The following PIK3CB variants were observed in gnomAD, a reference collection of about 807,000 sequenced individuals.
PIK3CB encodes the protein phosphatidylinositol 4,5-bisphosphate 3-kinase catalytic subunit beta isoform.
In PIK3CB, 39 loss-of-function variants were observed where a neutral mutation model predicts 136.8. That is an observed-to-expected ratio of 0.29 (90% CI 0.22 to 0.37). The LOEUF (loss-of-function observed/expected upper bound fraction) is 0.37. PIK3CB is among the 10% of genes least tolerant of loss of function. The pLI, the probability that PIK3CB is intolerant of heterozygous loss-of-function variation, is 1.00. For missense variants in PIK3CB, 868 were observed against 1,275.4 expected (o/e 0.68, Z 4.87); for synonymous variants, 428 against 436.6 (o/e 0.98, Z 0.25).
At chr3:138,830,138 G>T (rs569962411) in intron 1 of PIK3CB, among the ~76,000 whole-genome samples, 2 of 152,156 alleles carry the variant, frequency 1.3e-5, no homozygotes, top group Non-Finnish European at 2.9e-5. Context: ...GTCAAAGAGA[G>T]TGAAGAGGAG....
intron 19 of PIK3CB, among the ~76,000 whole-genome samples, chr3:138,676,031 C>T (rs58671569): frequency 0.035 from 5,347 of 152,034 alleles, 318 homozygotes; most frequent in African/African-American, 0.12. Context: ...TTAAAGTGAA[C>T]AAACAACCAG....
intron 2 of PIK3CB, among the ~76,000 whole-genome samples, chr3:138,760,873 C>T (rs2045654191): frequency 6.6e-6 from 1 of 152,084 alleles, no homozygotes; most frequent in Non-Finnish European, 1.5e-5. Context: ...TACCACTGCA[C>T]TCCAGCCTGG....
rs560589427 is a variant in PIK3CB, at chr3:138,766,426, T to C, written c.-16-7067A>G. Among the ~76,000 whole-genome samples, 4 of 152,338 alleles carry C rather than the reference T, an allele frequency of 2.6e-5. No homozygotes were observed. In the South Asian group the frequency reaches 8.3e-4, roughly 32 times the overall value. On this transcript the variant is annotated intron_variant, in intron 2 of 23. Transcript: ENST00000674063. ...TGTGCTATATTTCACATTTTAAATG[T>C]CTTAAAATTTTTTTAATGGCAAAAT... is the stretch of plus-strand genomic sequence containing the variant.
intron 1 of PIK3CB, among the ~76,000 whole-genome samples, chr3:138,802,335 G>A (rs2046185937): frequency 6.6e-6 from 1 of 150,886 alleles, no homozygotes; most frequent in African/African-American, 2.4e-5. Context: ...AGCCGAGATC[G>A]CGCCATTGCA....
chr3:138,742,616 A>G lies in PIK3CB; in HGVS notation c.563T>C (p.Leu188Ser). The G allele has an allele frequency of 6.2e-7, 1 of 1,609,114 alleles. No homozygotes were observed. Among genetic ancestry groups the G allele is most frequent in the Non-Finnish European group, 8.5e-7 (1 of 1,175,978 alleles). Reference protein sequence around the residue: ...PEHEPSIPENLEDKLYGGKLI... With the variant: ...PEHEPSIPENSEDKLYGGKLI... ...CTTTCCCCCATAAAGTTTATCTTCT[A>G]AGTTTTCAGGGATGGATGGTTCATG... is the stretch of plus-strand genomic sequence containing the variant. Residue 188 changes from leucine (L) to serine (S), a missense_variant, in exon 5 of 24, where the codon TTA becomes TCA. By Grantham distance (145) the Leu-to-Ser change is moderately radical. Transcript: ENST00000674063.
At chr3:138,791,012 T>G (rs1309530679) in intron 2 of PIK3CB, among the ~76,000 whole-genome samples, 1 of 152,038 alleles carries the variant, frequency 6.6e-6, no homozygotes, top group Non-Finnish European at 1.5e-5. Flanking sequence ...TTGTCCATTA[T>G]GAACTTACAG....
chr3:138,665,647 C>T (rs1378167240), intron 19 of PIK3CB, among the ~76,000 whole-genome samples: 3 of 152,332 alleles, frequency 2.0e-5, no homozygotes, highest in East Asian at 3.9e-4. Context: ...CAGTTCATTA[C>T]AGCCTCTACT....
intron 4 of PIK3CB, 150 bp downstream of exon 4, chr3:138,755,604 A>G (rs528443424): frequency 1.9e-4 from 95 of 501,726 alleles, no homozygotes; most frequent in Admixed American, 3.9e-4. Context: ...CAATTTCTAT[A>G]CTTACCTTAT....
At chr3:138,807,042 C>A (rs1458926379) in intron 1 of PIK3CB, among the ~76,000 whole-genome samples, 1 of 152,210 alleles carries the variant, frequency 6.6e-6, no homozygotes. Flanking sequence ...CCACTTATTA[C>A]AGAAAATATG....
intron 23 of PIK3CB, among the ~76,000 whole-genome samples, chr3:138,655,847 TC>T (rs1475027132): frequency 6.6e-6 from 1 of 152,064 alleles, no homozygotes; most frequent in East Asian, 1.9e-4. Context: ...CTGTGGAAAA[TC>T]AAGGTGGCAA....
chr3:138,657,393 A>G, intron 22 of PIK3CB: 1 of 263,678 alleles, frequency 3.8e-6, no homozygotes, highest in Non-Finnish European at 7.2e-6. Context: ...ATGTCTTTTC[A>G]GCATCTTCCT....
chr3:138,659,003 G>A (rs2043239063), intron 21 of PIK3CB, among the ~76,000 whole-genome samples: 1 of 152,148 alleles, frequency 6.6e-6, no homozygotes, highest in Non-Finnish European at 1.5e-5. Context: ...CCCATTTGGA[G>A]CCCGTTTTGT....
intron 2 of PIK3CB, among the ~76,000 whole-genome samples, chr3:138,785,473 G>A (rs1469058475): frequency 6.6e-6 from 1 of 152,186 alleles, no homozygotes; most frequent in Non-Finnish European, 1.5e-5. Context: ...TCTGTACTAA[G>A]AAAAATTCTT....
At chr3:138,723,911 G>C (rs1167550012) in intron 8 of PIK3CB, among the ~76,000 whole-genome samples, 2 of 152,024 alleles carry the variant, frequency 1.3e-5, no homozygotes, top group Admixed American at 1.3e-4. Flanking sequence ...AAATTCCCAT[G>C]TTTTGGGAAT....
At chr3:138,826,664 A>ACCAAATAG (rs1485832589) in intron 1 of PIK3CB, among the ~76,000 whole-genome samples, 1 of 152,150 alleles carries the variant, frequency 6.6e-6, no homozygotes, top group Non-Finnish European at 1.5e-5. Context: ...GTAACTCTAA[A>ACCAAATAG]CCAAATAGTT....
At chr3:138,756,029 G>A (rs1296849663) in intron 3 of PIK3CB, 50 bp from the exon 4 acceptor site, 2 of 1,018,174 alleles carry the variant, frequency 2.0e-6, no homozygotes, top group East Asian at 4.8e-5. Context: ...TTGCTCAAGT[G>A]TACAAAGATA....
intron 1 of PIK3CB, among the ~76,000 whole-genome samples, chr3:138,831,708 C>T (rs1035818754): frequency 5.9e-5 from 9 of 152,128 alleles, no homozygotes; most frequent in East Asian, 3.9e-4. Context: ...GGGAGGAACA[C>T]GAGGTCAAAA....
At chr3:138,685,334 C>T (rs1182382735) in intron 16 of PIK3CB, among the ~76,000 whole-genome samples, 1 of 127,568 alleles carries the variant, frequency 7.8e-6, no homozygotes, top group East Asian at 2.7e-4. Context: ...GTGGAGGTTG[C>T]AGTGAGCCAA....
At chr3:138,825,636 T>A in intron 1 of PIK3CB, 1 of 634,174 alleles carries the variant, frequency 1.6e-6, no homozygotes, top group South Asian at 1.9e-5. Flanking sequence ...TACTCGAAGC[T>A]CTGGACTGCA....
Sources: allele counts gnomAD v4.1 joint callset (sites outside exome capture counted in the v4.1 genomes callset), GRCh38; gene constraint gnomAD v4.1.1; transcripts MANE v1.5; gene names NCBI Gene and HGNC (gene_info 2026-07-23, HGNC 2026-07-21).